DAB1: variants seen among roughly 807,000 people sequenced by gnomAD.
The protein encoded by DAB1 is DAB adaptor protein 1, also known as disabled homolog 1.
DAB1 carries 15 observed loss-of-function variants against 64.6 expected under a neutral mutation model. The observed-to-expected ratio is 0.23, with a 90% confidence interval of 0.16 to 0.36. The LOEUF is 0.36. Among genes scored for constraint, DAB1 ranks in the 10% least tolerant of loss-of-function variants. DAB1 has a pLI of 1.00. For missense variants in DAB1, 596 were observed against 706.7 expected (o/e 0.84, Z 1.78); for synonymous variants, 235 against 251.9 (o/e 0.93, Z 0.64).
chr1:58,143,225 T>C (rs1019326235), intron 5 of DAB1, among the ~76,000 whole-genome samples: 2 of 152,076 alleles, frequency 1.3e-5, no homozygotes, highest in Non-Finnish European at 2.9e-5. Flanking sequence ...CTTTATTGAA[T>C]GGAAGTGTTT....
intron 3 of DAB1, among the ~76,000 whole-genome samples, chr1:58,355,361 G>A (rs1201105612): frequency 3.3e-5 from 5 of 152,196 alleles, no homozygotes; most frequent in Non-Finnish European, 7.3e-5. Flanking sequence ...TAGATAGAGT[G>A]TACCTTTGGT....
chr1:58,018,353 C>G (rs1646771671), intron 5 of DAB1, among the ~76,000 whole-genome samples: 1 of 152,158 alleles, frequency 6.6e-6, no homozygotes, highest in South Asian at 2.1e-4. Flanking sequence ...GTCCCCAGGT[C>G]TTAGAGAGCT....
At chr1:57,611,657 G>A (rs1239957980) in intron 7 of DAB1, among the ~76,000 whole-genome samples, 2 of 152,038 alleles carry the variant, frequency 1.3e-5, no homozygotes, top group Non-Finnish European at 2.9e-5. Flanking sequence ...CTTTCCTGGT[G>A]TACTTTGACT....
chr1:57,304,534 C>T (rs532716582), intron 1 of DAB1, among the ~76,000 whole-genome samples: 1 of 152,270 alleles, frequency 6.6e-6, no homozygotes, highest in African/African-American at 2.4e-5. Context: ...GATATGTGAC[C>T]TTAGGCAAAT....
intron 1 of DAB1, among the ~76,000 whole-genome samples, chr1:57,333,806 A>T (rs950413760): frequency 5.3e-5 from 8 of 152,204 alleles, no homozygotes; most frequent in African/African-American, 1.9e-4. Flanking sequence ...GTTTGTTCTT[A>T]TTATAATCTG....
At chr1:57,386,393 CT>C (rs1681855397) in intron 1 of DAB1, among the ~76,000 whole-genome samples, 1 of 137,514 alleles carries the variant, frequency 7.3e-6, no homozygotes, top group Non-Finnish European at 1.6e-5. Context: ...AAAAACCCGT[CT>C]TTTTCATCTC....
intron 7 of DAB1, among the ~76,000 whole-genome samples, chr1:57,539,055 C>T (rs1280698302): frequency 6.6e-6 from 1 of 152,212 alleles, no homozygotes; most frequent in African/African-American, 2.4e-5. Context: ...TCTTACGTTG[C>T]TCCCTCAGCT....
intron 3 of DAB1, among the ~76,000 whole-genome samples, chr1:58,413,428 C>T (rs781127042): frequency 8.1e-4 from 124 of 152,154 alleles, no homozygotes; most frequent in Non-Finnish European, 9.6e-4. Flanking sequence ...CATGCCTAAA[C>T]CACGCAGATA....
chr1:58,429,990 C>T (rs1422755646), intron 3 of DAB1, among the ~76,000 whole-genome samples: 1 of 152,194 alleles, frequency 6.6e-6, no homozygotes, highest in African/African-American at 2.4e-5. Flanking sequence ...AATGTCACAT[C>T]ACATGGCAGA....
intron 2 of DAB1, among the ~76,000 whole-genome samples, chr1:57,217,878 C>T (rs1422313880): frequency 6.6e-6 from 1 of 152,036 alleles, no homozygotes; most frequent in Non-Finnish European, 1.5e-5. Context: ...TATATACCTT[C>T]TACTCAAGCT....
intron 6 of DAB1, among the ~76,000 whole-genome samples, chr1:57,693,890 T>C (rs1646794037): frequency 2.0e-5 from 3 of 152,186 alleles, no homozygotes; most frequent in Non-Finnish European, 4.4e-5. Flanking sequence ...AAGGAATAAA[T>C]TCCAGACACA....
chr1:57,206,638 C>T (rs1665561835), intron 2 of DAB1, among the ~76,000 whole-genome samples: 1 of 152,182 alleles, frequency 6.6e-6, no homozygotes, highest in Admixed American at 6.5e-5. Flanking sequence ...AAGCTTAGGT[C>T]TGAGTTTCAC....
rs869225281 is a variant in DAB1, at chr1:58,071,406, G to GT, written n.387+79104_387+79105insA. On this transcript the variant is annotated intron_variant and non_coding_transcript_variant, in intron 5 of 20. Coordinates refer to the DAB1 transcript ENST00000485760. ...TGTGTGTGTGTGTGTGTGTGTGTGT[G>GT]GGTGGGGAGAGACTGAAGTTCCCGC... 984 of 147,494 alleles carry GT rather than the reference G, an allele frequency of 6.7e-3. 7 individuals carry two copies. Among genetic ancestry groups the GT allele is most frequent in the African/African-American group, 0.017 (569 of 34,364 alleles). The allele number at this position is 147,494 out of a possible 1,614,324, so 9.1% of individuals were successfully genotyped here.
intron 14 of DAB1, among the ~76,000 whole-genome samples, chr1:57,010,300 A>C (rs1646224039): frequency 6.6e-6 from 1 of 152,148 alleles, no homozygotes; most frequent in Non-Finnish European, 1.5e-5. Context: ...AGTAGCATGG[A>C]CCATGCCTCA....
In DAB1 at chr1:58,056,199, G is replaced by A. The variant is rs1648072277; in HGVS notation, n.387+94312C>T. Reference sequence around the variant, plus strand: ...GTCTAAATCGGGATGGGGGTGTTCGGTCCTTGCGGGCTTCACGAGATCGAT... The same window carrying A: ...GTCTAAATCGGGATGGGGGTGTTCGATCCTTGCGGGCTTCACGAGATCGAT... On this transcript the variant is annotated intron_variant and non_coding_transcript_variant, in intron 5 of 20. Transcript: ENST00000485760. The A allele has an allele frequency of 3.9e-6, 6 of 1,526,984 alleles. No homozygotes were observed. In the African/African-American group the frequency reaches 4.1e-5, roughly 10 times the overall value. The allele number at this position is 1,526,984 out of a possible 1,614,324, so 94.6% of individuals were successfully genotyped here.
chr1:57,130,228 C>A (rs1048086682), intron 4 of DAB1, among the ~76,000 whole-genome samples: 2 of 152,038 alleles, frequency 1.3e-5, no homozygotes, highest in African/African-American at 4.8e-5. Flanking sequence ...TTATTTAACA[C>A]CTCGAGCTTT....
intron 4 of DAB1, among the ~76,000 whole-genome samples, chr1:58,183,015 T>C (rs1656880551): frequency 6.6e-6 from 1 of 152,002 alleles, no homozygotes; most frequent in South Asian, 2.1e-4. Flanking sequence ...ACTATTTCTG[T>C]AGAATTTGTC....
intron 1 of DAB1, among the ~76,000 whole-genome samples, chr1:57,356,363 T>A (rs559273797): frequency 1.3e-5 from 2 of 152,192 alleles, no homozygotes; most frequent in Admixed American, 1.3e-4. Flanking sequence ...TAAGAGTAAT[T>A]ACAATAAAAA....
At chr1:57,292,522 T>C (rs1208699254) in intron 1 of DAB1, among the ~76,000 whole-genome samples, 1 of 152,092 alleles carries the variant, frequency 6.6e-6, no homozygotes, top group Non-Finnish European at 1.5e-5. Flanking sequence ...CATCTATCTA[T>C]ACCTTGTCAC....
Sources: gnomAD v4.1 joint callset for allele counts (sites outside exome capture counted in the v4.1 genomes callset) on GRCh38, gnomAD v4.1.1 for gene constraint, MANE v1.5 for transcripts, NCBI Gene and HGNC (gene_info 2026-07-23, HGNC 2026-07-21) for gene names.